The following ARPC1A variants were observed in gnomAD, a reference collection of about 807,000 sequenced individuals.
ARPC1A encodes the protein actin related protein 2/3 complex subunit 1A.
Under a neutral mutation model 46.9 loss-of-function variants are expected in ARPC1A, and 8 were observed. The ratio of observed to expected loss-of-function variants is 0.17; its 90% CI spans 0.10 to 0.31. The LOEUF (loss-of-function observed/expected upper bound fraction) is 0.31, where lower values mean the gene tolerates loss of function less well. ARPC1A is among the 10% of genes least tolerant of loss of function. The pLI is 1.00. For synonymous variants in ARPC1A, 152 were observed against 169.0 expected (o/e 0.90, Z 0.78); for missense variants, 286 against 483.6 (o/e 0.59, Z 3.83).
At chr7:99,339,703 G>A (rs1442559580) in intron 3 of ARPC1A, among the ~76,000 whole-genome samples, 1 of 152,100 alleles carries the variant, frequency 6.6e-6, no homozygotes, top group Non-Finnish European at 1.5e-5. Context: ...CCACTCTTTA[G>A]CATTTTATAC....
intron 3 of ARPC1A, among the ~76,000 whole-genome samples, chr7:99,344,046 G>T (rs1284543905): frequency 6.6e-6 from 1 of 152,208 alleles, no homozygotes; most frequent in Non-Finnish European, 1.5e-5. Flanking sequence ...GTTTTGTAAA[G>T]TCTGTAATTA....
intron 8 of ARPC1A, among the ~76,000 whole-genome samples, chr7:99,362,248 C>T (rs373271335): frequency 1.3e-5 from 2 of 151,190 alleles, no homozygotes; most frequent in East Asian, 3.9e-4. Context: ...GAGCCGAGAT[C>T]GCACCACTGC....
chr7:99,328,405 G>T (rs527599591), intron 1 of ARPC1A, among the ~76,000 whole-genome samples: 1 of 152,156 alleles, frequency 6.6e-6, no homozygotes. Flanking sequence ...GGGAGAAAGG[G>T]AACCTGCTGG....
intron 8 of ARPC1A, chr7:99,360,158 CTG>C (rs1169823541): frequency 4.9e-6 from 1 of 203,966 alleles, no homozygotes; most frequent in Non-Finnish European, 1.0e-5. Flanking sequence ...GAAAAGGTAA[CTG>C]TAGCTGTCGT....
chr7:99,326,371 G>T (rs1793048112), intron 1 of ARPC1A, among the ~76,000 whole-genome samples: 2 of 152,284 alleles, frequency 1.3e-5, no homozygotes, highest in South Asian at 4.1e-4. Flanking sequence ...CATCTCTTTA[G>T]TGTCTAGAGT....
intron 2 of ARPC1A, among the ~76,000 whole-genome samples, chr7:99,334,445 T>C (rs1281026932): frequency 6.6e-6 from 1 of 152,066 alleles, no homozygotes; most frequent in African/African-American, 2.4e-5. Flanking sequence ...CCAATTTCGC[T>C]TATTTTTCTT....
rs1341990677 is a variant in ARPC1A, at chr7:99,348,920, A to G, written c.461A>G (p.Asn154Ser). 5.0e-6 allele frequency: 8 copies of G among 1,613,994 alleles called. No homozygotes were observed. The African/African-American group carries it at 5.3e-5, about 11-fold the overall frequency. Reference protein sequence around the residue: ...TVLSLDWHPNNVLLAAGSCDF... With the variant: ...TVLSLDWHPNSVLLAAGSCDF... ...CTCAGCTTGGATTGGCATCCCAACA[A>G]CGTTTTGCTGGCAGCAGGATCATGT... Residue 154 changes from asparagine (N) to serine (S), a missense_variant, in exon 5 of 10, where the codon AAC becomes AGC. Asn to Ser is a conservative substitution (Grantham distance 46, BLOSUM62 1). Coordinates refer to ENST00000262942, the MANE Select transcript of ARPC1A (RefSeq NM_006409.4).
chr7:99,353,259 C>T (rs909548050), intron 5 of ARPC1A, among the ~76,000 whole-genome samples: 3 of 151,340 alleles, frequency 2.0e-5, no homozygotes, highest in South Asian at 2.1e-4. Flanking sequence ...CCTGGGTTCA[C>T]GCCATTCTCT....
chr7:99,361,252 T>C (rs370545793), intron 8 of ARPC1A, among the ~76,000 whole-genome samples: 1 of 152,026 alleles, frequency 6.6e-6, no homozygotes, highest in Admixed American at 6.6e-5. Flanking sequence ...CCTGTAATGC[T>C]AGCGTTTTGG....
chr7:99,349,839 C>CAA (rs1793520075), intron 5 of ARPC1A, among the ~76,000 whole-genome samples: 1 of 151,650 alleles, frequency 6.6e-6, no homozygotes, highest in African/African-American at 2.4e-5. Flanking sequence ...GACTCTGTCT[C>CAA]AAAATAAATA....
chr7:99,333,185 G>A (rs1793177102), intron 1 of ARPC1A, 140 bp from the exon 2 acceptor site: 3 of 633,690 alleles, frequency 4.7e-6, no homozygotes, highest in African/African-American at 3.7e-5. Flanking sequence ...GTGAGCCACC[G>A]TGCCTGGCCA....
chr7:99,331,951 A>G (rs944893634), intron 1 of ARPC1A, among the ~76,000 whole-genome samples: 11 of 152,156 alleles, frequency 7.2e-5, no homozygotes, highest in Non-Finnish European at 1.5e-5. Flanking sequence ...ATCAACTTTC[A>G]CTTATCAAAT....
chr7:99,339,526 CA>C (rs991091605), intron 3 of ARPC1A, among the ~76,000 whole-genome samples: 1 of 151,104 alleles, frequency 6.6e-6, no homozygotes. Context: ...ACCCTCATCT[CA>C]AAAAAAAGAA....
chr7:99,331,240 C>CA (rs1278653337), intron 1 of ARPC1A, among the ~76,000 whole-genome samples: 1 of 152,076 alleles, frequency 6.6e-6, no homozygotes, highest in African/African-American at 2.4e-5. Context: ...CCCATCTCTA[C>CA]AAAAATTACC....
intron 8 of ARPC1A, 100 bp downstream of exon 8, chr7:99,359,838 C>A: frequency 7.6e-7 from 1 of 1,320,542 alleles, no homozygotes; most frequent in Non-Finnish European, 1.1e-6. Flanking sequence ...GCCCCTCAGG[C>A]CCAGACATTC....
chr7:99,362,498 ATT>A (rs565535347), intron 8 of ARPC1A, among the ~76,000 whole-genome samples: 7 of 132,144 alleles, frequency 5.3e-5, no homozygotes, highest in Admixed American at 2.3e-4. Context: ...TGCCTGGCTA[ATT>A]TTTTTTTTTT....
intron 2 of ARPC1A, among the ~76,000 whole-genome samples, chr7:99,337,426 A>G (rs1793274616): frequency 6.6e-6 from 1 of 152,156 alleles, no homozygotes; most frequent in African/African-American, 2.4e-5. Flanking sequence ...TATCTCAAAA[A>G]AGAAAAAAAT....
chr7:99,334,039 G>T (rs1217912696), intron 2 of ARPC1A, among the ~76,000 whole-genome samples: 3 of 107,690 alleles, frequency 2.8e-5, no homozygotes. Context: ...ACATATATAT[G>T]TATTTTTTTT....
chr7:99,366,175 T>C lies in ARPC1A; in HGVS notation c.*246T>C. On this transcript the variant is annotated 3_prime_UTR_variant, in exon 10 of 10. Transcript: ENST00000262942. Reference sequence around the variant, plus strand: ...AAGCTTCTCTTTAAGTAGTTTATTATGGAAAATTGTCACACTAACTTAAAA... The same window carrying C: ...AAGCTTCTCTTTAAGTAGTTTATTACGGAAAATTGTCACACTAACTTAAAA... The C allele has an allele frequency of 4.0e-6, 2 of 499,638 alleles. No individual in the cohort carries two copies. Among genetic ancestry groups the C allele is most frequent in the East Asian group, 3.4e-5 (1 of 29,242 alleles). 31.0% of individuals were successfully genotyped at this position (499,638 alleles called of 1,614,324 possible).
Sources: gnomAD v4.1 joint callset for allele counts (sites outside exome capture counted in the v4.1 genomes callset) on GRCh38, gnomAD v4.1.1 for gene constraint, MANE v1.5 for transcripts, NCBI Gene and HGNC (gene_info 2026-07-23, HGNC 2026-07-21) for gene names.